Variants in SNPH observed in about 807,000 individuals in gnomAD.
The protein encoded by SNPH is syntaphilin.
SNPH carries 10 observed loss-of-function variants against 36.8 expected under a neutral mutation model. That is an observed-to-expected ratio of 0.27 (90% CI 0.17 to 0.46). SNPH has a LOEUF of 0.46. SNPH is among the 20% of genes least tolerant of loss of function. The pLI is 1.00. For missense variants in SNPH, 622 were observed against 744.0 expected (o/e 0.84, Z 1.91); for synonymous variants, 281 against 312.2 (o/e 0.90, Z 1.05).
At chr20:1,292,604 A>G (rs2088376385) in intron 2 of SNPH, among the ~76,000 whole-genome samples, 1 of 152,118 alleles carries the variant, frequency 6.6e-6, no homozygotes, top group African/African-American at 2.4e-5. Flanking sequence ...AACTTTCTAA[A>G]ATGCAAATAT....
chr20:1,276,544 G>C lies in SNPH; in HGVS notation c.-493+9784G>C, dbSNP rs1457135090. On this transcript the variant is annotated intron_variant, in intron 2 of 6. Coordinates refer to ENST00000381867, the MANE Select transcript of SNPH (RefSeq NM_001318234.2). This position sits in a 1 kb window ranked among gnomAD's most constrained non-coding sequence, Gnocchi z 4.6. ...AAATGGGCATCATAATCATAACGTA[G>C]GCCTCCTGACAGCAAAGCTGGCATG... Among the ~76,000 whole-genome samples, 1 of 152,106 alleles carries C rather than the reference G, an allele frequency of 6.6e-6. No individual in the cohort carries two copies. Among genetic ancestry groups the C allele is most frequent in the Non-Finnish European group, 1.5e-5 (1 of 68,008 alleles).
rs535707449 is a variant in SNPH, at chr20:1,295,989, G to A, written c.-251G>A. The A allele has an allele frequency of 9.6e-4, 436 of 454,156 alleles. No homozygotes were observed. Among genetic ancestry groups the A allele is most frequent in the Non-Finnish European group, 1.4e-3 (356 of 261,346 alleles). 28.1% of individuals were successfully genotyped at this position (454,156 alleles called of 1,614,324 possible). A position where few individuals can be genotyped will look rare whatever the true frequency, so the allele number is the denominator to read the frequency against. Reference sequence around the variant, plus strand: ...CTCGTAGAGTAGAAGACTCGGTGCCGGCAGTCAGGAGGCCCTGCTCCTGAA... The same window carrying A: ...CTCGTAGAGTAGAAGACTCGGTGCCAGCAGTCAGGAGGCCCTGCTCCTGAA... On this transcript the variant is annotated 5_prime_UTR_variant, in exon 4 of 7. Transcript: ENST00000381867.
chr20:1,270,644 G>A (rs1177456444), intron 2 of SNPH, among the ~76,000 whole-genome samples: 3 of 152,172 alleles, frequency 2.0e-5, no homozygotes, highest in Non-Finnish European at 4.4e-5. Flanking sequence ...TTTGTCCCAG[G>A]TAGACCAGAA....
Position 1,274,654 on chromosome 20 carries a change from T to A in SNPH, c.-493+7894T>A, listed in dbSNP as rs940762977. 1.8e-4 allele frequency among the ~76,000 whole-genome samples: 28 copies of A among 152,298 alleles called. 1 individual carries two copies. The highest frequency in any genetic ancestry group is 6.7e-4 in the African/African-American group (28 of 41,570). ...GGAAGAGGAGGAACTAGAAAGGATC[T>A]AAAGGCTGGCACTCGGGAAGGGAGC... On this transcript the variant is annotated intron_variant, in intron 2 of 6. Transcript: ENST00000381867.
At chr20:1,286,184 A>G (rs946553908) in intron 2 of SNPH, among the ~76,000 whole-genome samples, 22 of 151,916 alleles carry the variant, frequency 1.4e-4, no homozygotes, top group African/African-American at 5.1e-4. Context: ...AGAATGCTTC[A>G]CTTTGGCTAA....
chr20:1,284,540 A>G (rs1270783880), intron 2 of SNPH, among the ~76,000 whole-genome samples: 1 of 152,224 alleles, frequency 6.6e-6, no homozygotes, highest in Non-Finnish European at 1.5e-5. Flanking sequence ...ATGGGAAGAA[A>G]GAGGAGTGCT....
rs570795615 is a variant in SNPH at position 1,267,706 on chromosome 20, T to G, written c.-493+946T>G. 3.3e-5 allele frequency among the ~76,000 whole-genome samples: 5 copies of G among 152,340 alleles called. 1 individual carries two copies. Among genetic ancestry groups the G allele is most frequent in the Admixed American group, 3.3e-4 (5 of 15,310 alleles). ...GGGGGACCCCTCTGCTAAGGCAATT[T>G]AAATTTAGTTTCATGAAATAATTGG... On this transcript the variant is annotated intron_variant, in intron 2 of 6. Transcript: ENST00000381867.
At chr20:1,281,933 T>A (rs2088229600) in intron 2 of SNPH, among the ~76,000 whole-genome samples, 1 of 152,244 alleles carries the variant, frequency 6.6e-6, no homozygotes, top group Non-Finnish European at 1.5e-5. Context: ...TTGGCCTCAG[T>A]TCCCCGCCTG....
intron 4 of SNPH, 112 bp from the exon 5 acceptor site, chr20:1,297,033 G>T: frequency 6.8e-7 from 1 of 1,469,344 alleles, no homozygotes; most frequent in Non-Finnish European, 9.1e-7. Context: ...TCTCCCCTGT[G>T]GTGACCCCAA....
At chr20:1,282,320 CAGAG>C (rs1275007819) in intron 2 of SNPH, among the ~76,000 whole-genome samples, 2 of 152,168 alleles carry the variant, frequency 1.3e-5, no homozygotes, top group African/African-American at 2.4e-5. Context: ...AAATGTTCAA[CAGAG>C]AGGGAGGCTA....
At position 1,299,189 on chromosome 20, in the gene SNPH, T is replaced by C. The variant is rs149473762; in HGVS notation, c.291-1373T>C. Among the ~76,000 whole-genome samples, 531 of 152,242 alleles carry C rather than the reference T, an allele frequency of 3.5e-3. 2 individuals are homozygous for C. The highest frequency in any genetic ancestry group is 0.012 in the African/African-American group (498 of 41,526). On this transcript the variant is annotated intron_variant, in intron 5 of 6. Transcript: ENST00000381867. ...CAGTTTACGACTTACAAGTACTTTT[T>C]CCTCGGTAAACACCATACAGCTTCC...
intron 5 of SNPH, among the ~76,000 whole-genome samples, chr20:1,300,109 A>G (rs1386324009): frequency 6.6e-6 from 1 of 152,100 alleles, no homozygotes. Flanking sequence ...CTCATTCTCC[A>G]GGTTGGAAGA....
intron 6 of SNPH, among the ~76,000 whole-genome samples, chr20:1,301,549 A>T (rs1288020287): frequency 2.6e-5 from 4 of 151,534 alleles, no homozygotes; most frequent in Admixed American, 2.6e-4. Flanking sequence ...TGTAACTTAC[A>T]TACCATATAA....
In SNPH at chr20:1,266,588, A is replaced by C; in HGVS notation, c.-599-66A>C. Reference sequence around the variant, plus strand: ...CCCAGCTGTCAGCGGCCGGGGGCTCAGCTGCCTGGGTGTTCCCCGCCCGCG... The same window carrying C: ...CCCAGCTGTCAGCGGCCGGGGGCTCCGCTGCCTGGGTGTTCCCCGCCCGCG... On this transcript the variant is annotated intron_variant, in intron 1 of 6. Transcript: ENST00000381867. The surrounding 1 kb of genome is among the most constrained non-coding windows in gnomAD (Gnocchi z 6.0). 7.1e-7 allele frequency: 1 copy of C among 1,409,872 alleles called. No homozygotes were observed. The highest frequency in any genetic ancestry group is 3.0e-5 in the East Asian group (1 of 32,844). The allele number at this position is 1,409,872 out of a possible 1,614,324, so 87.3% of individuals were successfully genotyped here. A position where few individuals can be genotyped will look rare whatever the true frequency, so the allele number is the denominator to read the frequency against.
Position 1,306,026 on chromosome 20 carries a change from G to A in SNPH, c.1589G>A (p.Ser530Asn). The part of the protein sequence containing the change: ...SCRSLSQPSP[S>N]PAGGGSQL ...CGCTCGCTGAGCCAGCCGAGTCCCA[G>A]CCCAGCGGGCGGCGGCTCCCAGCTC... The change falls in exon 7 of 7, where the codon AGC (serine) becomes AAC (asparagine). Residue 530 changes from serine (S) to asparagine (N), a missense_variant. Physicochemically the swap from Ser to Asn is conservative, Grantham distance 46 (BLOSUM62 1). This residue lies in a region of SNPH where 379 missense variants were observed against 427.9 expected (regional missense o/e 0.89). Coordinates refer to ENST00000381867, the MANE Select transcript of SNPH (RefSeq NM_001318234.2). 1 of 1,492,906 alleles carries A rather than the reference G, an allele frequency of 6.7e-7. No homozygotes were observed. Among genetic ancestry groups the A allele is most frequent in the Non-Finnish European group, 8.9e-7 (1 of 1,122,874 alleles). 92.5% of individuals were successfully genotyped at this position (1,492,906 alleles called of 1,614,324 possible). A position where few individuals can be genotyped will look rare whatever the true frequency, so the allele number is the denominator to read the frequency against.
rs758979785 is a variant in SNPH at position 1,305,232 on chromosome 20, G to A, written c.795G>A (p.Pro265=). The change falls in exon 7 of 7, where the codon CCG becomes CCA. Residue 265 remains proline (P), a synonymous_variant. Coordinates refer to ENST00000381867, the MANE Select transcript of SNPH (RefSeq NM_001318234.2). ...CCACCTACACCAAGCTGAGTGACCC[G>A]GCTGTCTGTGGTGACCGCCAGCCGG... is the stretch of plus-strand genomic sequence containing the variant. ...RSSTYTKLSD[P]AVCGDRQPGD... 7.7e-5 allele frequency: 124 copies of A among 1,611,034 alleles called. No individual in the cohort carries two copies. The highest frequency in any genetic ancestry group is 3.1e-4 in the East Asian group (14 of 44,866).
chr20:1,286,062 C>G (rs1271191177), intron 2 of SNPH, among the ~76,000 whole-genome samples: 1 of 141,212 alleles, frequency 7.1e-6, no homozygotes, highest in Non-Finnish European at 1.5e-5. Flanking sequence ...TGCACTCTAG[C>G]CTGAGCGACA....
intron 5 of SNPH, among the ~76,000 whole-genome samples, chr20:1,298,689 G>T (rs888732248): frequency 6.6e-6 from 1 of 152,098 alleles, no homozygotes; most frequent in African/African-American, 2.4e-5. Flanking sequence ...CACAACAAGG[G>T]TTGCTGCCCC....
intron 2 of SNPH, among the ~76,000 whole-genome samples, chr20:1,283,988 G>A (rs1049785722): frequency 1.3e-5 from 2 of 152,194 alleles, no homozygotes; most frequent in African/African-American, 4.8e-5. Flanking sequence ...TATATGCTCA[G>A]CAGCACAACC....
Sources: gnomAD v4.1 joint callset for allele counts (sites outside exome capture counted in the v4.1 genomes callset) on GRCh38, gnomAD v4.1.1 for gene constraint, gnomAD v4.1.1 regional missense constraint, Gnocchi (gnomAD v3.1) non-coding constraint, MANE v1.5 for transcripts, NCBI Gene and HGNC (gene_info 2026-07-23, HGNC 2026-07-21) for gene names.